PRELID2: variants seen among roughly 807,000 people sequenced by gnomAD.
PRELID2 encodes the protein PRELI domain containing 2, also known as PRELI domain-containing protein 2.
A neutral mutation model predicts 28.4 loss-of-function variants in PRELID2; 25 were observed. That is an observed-to-expected ratio of 0.88 (90% CI 0.64 to 1.23). The LOEUF (loss-of-function observed/expected upper bound fraction) is 1.23, where lower values mean the gene tolerates loss of function less well. PRELID2 is among the 50% of genes most tolerant of loss of function. The pLI is 0.00. For synonymous variants in PRELID2, 76 were observed against 71.6 expected (o/e 1.06, Z -0.31); for missense variants, 201 against 214.4 (o/e 0.94, Z 0.39).
chr5:145,578,228 C>T (rs557156137), intron 1 of PRELID2, among the ~76,000 whole-genome samples: 47 of 152,236 alleles, frequency 3.1e-4, no homozygotes, highest in Non-Finnish European at 4.6e-4. Context: ...TCTTTATTGA[C>T]CATGAGTACC....
At chr5:145,571,415 C>T (rs897330878) in intron 1 of PRELID2, among the ~76,000 whole-genome samples, 1 of 152,146 alleles carries the variant, frequency 6.6e-6, no homozygotes. Flanking sequence ...AAAACAGAGA[C>T]CTTAAGACTT....
At chr5:145,794,412 T>C (rs1013882123) in intron 5 of PRELID2, among the ~76,000 whole-genome samples, 2 of 152,116 alleles carry the variant, frequency 1.3e-5, no homozygotes, top group African/African-American at 4.8e-5. Context: ...CAAACACAAG[T>C]ATTAGTGAAG....
chr5:145,308,558 T>C, the PRELID2 span, among the ~76,000 whole-genome samples: 6 of 152,310 alleles, frequency 3.9e-5, no homozygotes, highest in Non-Finnish European at 7.4e-5. Flanking sequence ...TGCCACCATA[T>C]AGATCTATCT....
intron 5 of PRELID2, among the ~76,000 whole-genome samples, chr5:145,793,794 T>C (rs1298425996): frequency 3.3e-5 from 5 of 152,142 alleles, no homozygotes; most frequent in Admixed American, 1.3e-4. Flanking sequence ...GTACTATAGG[T>C]TGGGAGAAGG....
chr5:145,764,896 G>A (rs201458456), intron 6 of PRELID2, 35 bp downstream of exon 6: 1 of 1,461,300 alleles, frequency 6.8e-7, no homozygotes, highest in Non-Finnish European at 9.5e-7. Context: ...AATATGGCTT[G>A]TGTAAATAAT....
At chr5:145,487,999 C>T (rs928348404) in intron 1 of PRELID2, among the ~76,000 whole-genome samples, 4 of 151,298 alleles carry the variant, frequency 2.6e-5, no homozygotes, top group African/African-American at 7.3e-5. Flanking sequence ...TGGTGCATAC[C>T]TGTAGACCCA....
At chr5:145,739,798 T>G (rs988704239) in intron 1 of PRELID2, among the ~76,000 whole-genome samples, 1 of 151,842 alleles carries the variant, frequency 6.6e-6, no homozygotes, top group African/African-American at 2.4e-5. Flanking sequence ...GTATATATAA[T>G]GTAATATATA....
intron 1 of PRELID2, among the ~76,000 whole-genome samples, chr5:145,611,356 G>T (rs1227483153): frequency 2.6e-5 from 4 of 152,140 alleles, no homozygotes; most frequent in Non-Finnish European, 5.9e-5. Flanking sequence ...GGAAGACAGG[G>T]TTTCACCATA....
chr5:145,399,818 C>G, the PRELID2 span, among the ~76,000 whole-genome samples: 4 of 152,100 alleles, frequency 2.6e-5, no homozygotes, highest in East Asian at 7.7e-4. Context: ...TCACATCTTA[C>G]GTAGATGGTG....
intron 1 of PRELID2, among the ~76,000 whole-genome samples, chr5:145,591,833 C>A (rs150539070): frequency 2.9e-3 from 449 of 152,274 alleles, no homozygotes; most frequent in African/African-American, 0.01. Flanking sequence ...TTCCCTGGAT[C>A]TGATTTGATT....
intron 1 of PRELID2, among the ~76,000 whole-genome samples, chr5:145,741,967 T>A (rs1756809710): frequency 1.7e-5 from 1 of 58,226 alleles, no homozygotes; most frequent in Non-Finnish European, 3.4e-5. Context: ...ATTAAATAAA[T>A]AAATTTATTT....
the PRELID2 span, among the ~76,000 whole-genome samples, chr5:145,381,014 C>A: frequency 2.6e-5 from 4 of 152,156 alleles, no homozygotes; most frequent in East Asian, 7.7e-4. Flanking sequence ...GAATGATCCA[C>A]TGGAAATTCT....
chr5:145,337,109 T>TAAC, the PRELID2 span, among the ~76,000 whole-genome samples: 8 of 150,198 alleles, frequency 5.3e-5, no homozygotes, highest in South Asian at 2.1e-4. Context: ...ACTTGAAGTA[T>TAAC]AATAATAATA....
At chr5:145,312,820 G>T in the PRELID2 span, among the ~76,000 whole-genome samples, 1 of 152,026 alleles carries the variant, frequency 6.6e-6, no homozygotes, top group African/African-American at 2.4e-5. Context: ...GCAATAACAT[G>T]AGAGTACAGA....
the PRELID2 span, among the ~76,000 whole-genome samples, chr5:145,443,667 G>A: frequency 2.0e-5 from 3 of 152,136 alleles, no homozygotes; most frequent in Middle Eastern, 6.8e-3. Context: ...AGCATTTTCA[G>A]GATTCCAAAG....
At chr5:145,629,562 G>T (rs548378059) in intron 1 of PRELID2, among the ~76,000 whole-genome samples, 1 of 152,086 alleles carries the variant, frequency 6.6e-6, no homozygotes, top group Non-Finnish European at 1.5e-5. Flanking sequence ...CCACAATGAT[G>T]ATAATAACAA....
intron 1 of PRELID2, among the ~76,000 whole-genome samples, chr5:145,592,868 C>T (rs2149632326): frequency 6.6e-6 from 1 of 152,226 alleles, no homozygotes. Flanking sequence ...TATTTCAAGT[C>T]ACCAATAGGC....
At chr5:145,435,326 A>C in the PRELID2 span, among the ~76,000 whole-genome samples, 2 of 152,142 alleles carry the variant, frequency 1.3e-5, no homozygotes, top group Non-Finnish European at 2.9e-5. Context: ...GGAAGGAAAA[A>C]GAGATGATCT....
At chr5:145,277,158 A>T in the PRELID2 span, among the ~76,000 whole-genome samples, 2 of 152,112 alleles carry the variant, frequency 1.3e-5, no homozygotes, top group Non-Finnish European at 2.9e-5. Flanking sequence ...CCCTCACCAG[A>T]CTGTATGGAT....
Sources: gnomAD v4.1 joint callset for allele counts (sites outside exome capture counted in the v4.1 genomes callset) on GRCh38, gnomAD v4.1.1 for gene constraint, MANE v1.5 for transcripts, NCBI Gene and HGNC (gene_info 2026-07-23, HGNC 2026-07-21) for gene names.